Variants in EPHA6 observed in about 807,000 individuals in gnomAD.
EPHA6 encodes EPH receptor A6, also known as ephrin type-A receptor 6.
A neutral mutation model predicts 112.0 loss-of-function variants in EPHA6; 50 were observed. The observed-to-expected ratio is 0.45, with a 90% confidence interval of 0.36 to 0.56. EPHA6 has a LOEUF of 0.56. Among genes scored for constraint, EPHA6 ranks in the 20% least tolerant of loss-of-function variants. The pLI is 0.00. For synonymous variants in EPHA6, 529 were observed against 490.7 expected, an observed-to-expected ratio of 1.08 and a Z score of -1.03; for missense variants, 1,280 against 1,417.4, an observed-to-expected ratio of 0.90 and a Z score of 1.56.
intron 3 of EPHA6, among the ~76,000 whole-genome samples, chr3:97,209,634 G>T (rs1287164837): frequency 1.3e-5 from 2 of 152,110 alleles, no homozygotes. Flanking sequence ...AAATTGTATA[G>T]TTATAATTCA....
At chr3:97,642,124 ACCTGACC>A (rs1331815828) in intron 14 of EPHA6, among the ~76,000 whole-genome samples, 1 of 131,624 alleles carries the variant, frequency 7.6e-6, no homozygotes, top group Non-Finnish European at 1.6e-5. Context: ...ACAAGTGGGT[ACCTGACC>A]CCTGACCCCC....
chr3:97,149,752 G>A (rs2076126308), intron 3 of EPHA6, among the ~76,000 whole-genome samples: 1 of 151,436 alleles, frequency 6.6e-6, no homozygotes, highest in South Asian at 2.1e-4. Flanking sequence ...ACCTGTGATG[G>A]TTGTAAGATG....
chr3:96,945,996 C>T (rs2041236009), intron 2 of EPHA6, among the ~76,000 whole-genome samples: 1 of 152,084 alleles, frequency 6.6e-6, no homozygotes, highest in African/African-American at 2.4e-5. Context: ...TTGTTCATCC[C>T]TCACTACTGC....
chr3:97,255,617 C>A (rs1032851935), intron 5 of EPHA6, among the ~76,000 whole-genome samples: 1 of 152,074 alleles, frequency 6.6e-6, no homozygotes, highest in Admixed American at 6.5e-5. Flanking sequence ...CTAAGCTGAA[C>A]CTAATGCAGA....
intron 1 of EPHA6, among the ~76,000 whole-genome samples, chr3:96,834,663 A>G (rs2034292750): frequency 6.6e-6 from 1 of 151,968 alleles, no homozygotes; most frequent in Admixed American, 6.6e-5. Context: ...GAGATAGCTT[A>G]CTGTTAAAGT....
chr3:97,646,343 A>G (rs1000545201), intron 14 of EPHA6: 7 of 1,412,236 alleles, frequency 5.0e-6, no homozygotes, highest in Admixed American at 5.0e-5. Context: ...TAAAAATCCT[A>G]TACATGTAAT....
At chr3:97,079,190 A>T (rs934528958) in intron 3 of EPHA6, among the ~76,000 whole-genome samples, 7 of 152,194 alleles carry the variant, frequency 4.6e-5, no homozygotes, top group African/African-American at 1.7e-4. Context: ...TAGCAAAGAC[A>T]TGGAATCAAC....
At chr3:97,284,606 A>G (rs2080402476) in intron 5 of EPHA6, among the ~76,000 whole-genome samples, 1 of 152,174 alleles carries the variant, frequency 6.6e-6, no homozygotes, top group Admixed American at 6.5e-5. Context: ...GATTTCATAC[A>G]CTAAGAGTAC....
chr3:96,958,661 G>T (rs1392500564), intron 2 of EPHA6, among the ~76,000 whole-genome samples: 2 of 152,010 alleles, frequency 1.3e-5, no homozygotes, highest in South Asian at 4.1e-4. Context: ...CTAGACAAAC[G>T]GTAATCTACT....
intron 3 of EPHA6, among the ~76,000 whole-genome samples, chr3:97,027,935 G>A (rs937289934): frequency 6.6e-6 from 1 of 152,090 alleles, no homozygotes; most frequent in South Asian, 2.1e-4. Flanking sequence ...CCAAATTCCC[G>A]TATCCTGGTC....
rs1287396903 is a variant in EPHA6, at chr3:97,244,647, T to C, written c.1606+360T>C. ...TGAATTTCAATTGCCCCACTTATGC[T>C]GCCATCCTTTTTGCATGTCAAATAA... is the stretch of plus-strand genomic sequence containing the variant. On this transcript the variant is annotated intron_variant, in intron 5 of 17. Coordinates refer to ENST00000389672, the MANE Select transcript of EPHA6 (RefSeq NM_001080448.3). 4 of 300,204 alleles carry C rather than the reference T, an allele frequency of 1.3e-5. No individual in the cohort carries two copies. The East Asian group carries it at 2.1e-4, about 16-fold the overall frequency. 18.6% of individuals were successfully genotyped at this position (300,204 alleles called of 1,614,324 possible). A position where few individuals can be genotyped will look rare whatever the true frequency, so the allele number is the denominator to read the frequency against.
At chr3:97,320,220 A>G (rs2108779765) in intron 5 of EPHA6, among the ~76,000 whole-genome samples, 1 of 152,192 alleles carries the variant, frequency 6.6e-6, no homozygotes, top group East Asian at 1.9e-4. Flanking sequence ...AATTTTTATT[A>G]GTGAACTAAT....
At chr3:96,895,496 C>G (rs1293686968) in intron 2 of EPHA6, among the ~76,000 whole-genome samples, 1 of 152,052 alleles carries the variant, frequency 6.6e-6, no homozygotes, top group Non-Finnish European at 1.5e-5. Flanking sequence ...CCTAAGTGTA[C>G]AGAGTTTATA....
chr3:97,424,718 A>C (rs1000901972), intron 6 of EPHA6, among the ~76,000 whole-genome samples: 1 of 151,612 alleles, frequency 6.6e-6, no homozygotes, highest in African/African-American at 2.4e-5. Context: ...AGGCAGGAGA[A>C]TCACTTGAAC....
intron 11 of EPHA6, among the ~76,000 whole-genome samples, chr3:97,579,571 AC>A (rs761057191): frequency 2.1e-4 from 32 of 152,094 alleles, no homozygotes; most frequent in Non-Finnish European, 4.4e-5. Context: ...CATTGACCCT[AC>A]CTTATTGATG....
chr3:97,396,877 T>A (rs887069517), intron 5 of EPHA6, among the ~76,000 whole-genome samples: 1 of 151,792 alleles, frequency 6.6e-6, no homozygotes, highest in African/African-American at 2.4e-5. Flanking sequence ...CACATAAGCA[T>A]AAGAAAATAA....
intron 14 of EPHA6, among the ~76,000 whole-genome samples, chr3:97,656,953 T>C (rs1260167252): frequency 6.6e-6 from 1 of 151,926 alleles, no homozygotes; most frequent in African/African-American, 2.4e-5. Context: ...TGTTTAACCA[T>C]CCTCTTAATC....
chr3:97,067,817 A>G (rs1044502543), intron 3 of EPHA6, among the ~76,000 whole-genome samples: 1 of 151,952 alleles, frequency 6.6e-6, no homozygotes, highest in Middle Eastern at 3.2e-3. Context: ...ACGTGTCAAG[A>G]AGAGAGAGGT....
At chr3:97,488,908 G>T (rs1462272116) in intron 10 of EPHA6, among the ~76,000 whole-genome samples, 1 of 152,176 alleles carries the variant, frequency 6.6e-6, no homozygotes, top group Non-Finnish European at 1.5e-5. Context: ...TAAATCAAAT[G>T]ATGTAATAAA....
Sources: gnomAD v4.1 joint callset for allele counts (sites outside exome capture counted in the v4.1 genomes callset) on GRCh38, gnomAD v4.1.1 for gene constraint, MANE v1.5 for transcripts, NCBI Gene and HGNC (gene_info 2026-07-23, HGNC 2026-07-21) for gene names.